AGBL1: variants seen among roughly 807,000 people sequenced by gnomAD.
The protein encoded by AGBL1 is AGBL carboxypeptidase 1.
Under a neutral mutation model 118.9 loss-of-function variants are expected in AGBL1, and 130 were observed. The ratio of observed to expected loss-of-function variants is 1.09; its 90% CI spans 0.95 to 1.26. AGBL1 has a LOEUF of 1.26. AGBL1 is among the 50% of genes most tolerant of loss of function. The pLI is 0.00. For synonymous variants in AGBL1, 555 were observed against 478.9 expected, an observed-to-expected ratio of 1.16 and a Z score of -2.08; for missense variants, 1,584 against 1,298.1, an observed-to-expected ratio of 1.22 and a Z score of -3.38.
intron 22 of AGBL1, among the ~76,000 whole-genome samples, chr15:86,732,008 AG>A (rs1461374411): frequency 2.0e-5 from 3 of 152,184 alleles, no homozygotes; most frequent in Non-Finnish European, 4.4e-5. Flanking sequence ...TATCACATGA[AG>A]ATTGAGAGGA....
intron 6 of AGBL1, among the ~76,000 whole-genome samples, chr15:86,233,986 T>C (rs1273065003): frequency 1.3e-5 from 2 of 152,158 alleles, no homozygotes; most frequent in Non-Finnish European, 1.5e-5. Flanking sequence ...TTTTTCTTGT[T>C]TGAGACAAAA....
intron 15 of AGBL1, 102 bp from the exon 16 acceptor site, chr15:86,279,537 G>A (rs567489417): frequency 4.4e-6 from 5 of 1,145,474 alleles, no homozygotes; most frequent in African/African-American, 1.5e-5. Flanking sequence ...TGCCAGGACA[G>A]TATATAACGC....
At chr15:86,983,312 C>T (rs1253676370) in intron 23 of AGBL1, among the ~76,000 whole-genome samples, 3 of 152,104 alleles carry the variant, frequency 2.0e-5, no homozygotes, top group Admixed American at 2.0e-4. Flanking sequence ...TGCATGGCTA[C>T]TATCATCTCC....
intron 22 of AGBL1, among the ~76,000 whole-genome samples, chr15:86,853,922 G>A (rs2079442823): frequency 6.6e-6 from 1 of 152,028 alleles, no homozygotes; most frequent in African/African-American, 2.4e-5. Context: ...AATAATTTCT[G>A]CCAGATGATA....
At chr15:86,287,753 AAGAG>A (rs755268174) in intron 16 of AGBL1, among the ~76,000 whole-genome samples, 1 of 151,738 alleles carries the variant, frequency 6.6e-6, no homozygotes, top group Non-Finnish European at 1.5e-5. Context: ...TTTAATAAGA[AAGAG>A]AGAGAGAGAG....
intron 16 of AGBL1, among the ~76,000 whole-genome samples, chr15:86,280,822 T>C (rs2079340302): frequency 6.6e-6 from 1 of 152,196 alleles, no homozygotes; most frequent in Non-Finnish European, 1.5e-5. Context: ...TGAAAGTGCA[T>C]CTGTCCTCTT....
chr15:87,028,953 A>C (rs2081761243), exon 25 of AGBL1: 1 of 1,251,674 alleles, frequency 8.0e-7, no homozygotes, highest in Non-Finnish European at 1.1e-6. Flanking sequence ...TCTTATGGAA[A>C]ATGTTGCTCC....
At chr15:86,718,536 T>G (rs1596401572) in intron 22 of AGBL1, among the ~76,000 whole-genome samples, 1 of 151,538 alleles carries the variant, frequency 6.6e-6, no homozygotes, top group East Asian at 2.0e-4. Context: ...AGTGTAATAA[T>G]AAGAAAAAAA....
chr15:86,809,906 A>G (rs1484403668), intron 22 of AGBL1, among the ~76,000 whole-genome samples: 1 of 152,200 alleles, frequency 6.6e-6, no homozygotes, highest in East Asian at 1.9e-4. Context: ...CGTTTGGCCA[A>G]TAAAAGCTCT....
chr15:86,288,917 G>C (rs993844378), intron 16 of AGBL1, among the ~76,000 whole-genome samples: 2 of 151,914 alleles, frequency 1.3e-5, no homozygotes, highest in Admixed American at 1.3e-4. Context: ...TGTGAATTGT[G>C]CCCTTTATCA....
chr15:86,208,946 G>A (rs1047404461), intron 5 of AGBL1, among the ~76,000 whole-genome samples: 1 of 152,072 alleles, frequency 6.6e-6, no homozygotes, highest in South Asian at 2.1e-4. Context: ...TTCTCTTGTG[G>A]GCATTTAGTG....
intron 15 of AGBL1, among the ~76,000 whole-genome samples, chr15:86,273,080 A>G (rs993531046): frequency 6.6e-6 from 1 of 152,256 alleles, no homozygotes; most frequent in Non-Finnish European, 1.5e-5. Flanking sequence ...CCCAGCTTAG[A>G]GCTGGCTTGG....
intron 1 of AGBL1, among the ~76,000 whole-genome samples, chr15:86,102,468 C>T (rs1435715371): frequency 6.6e-6 from 1 of 152,196 alleles, no homozygotes; most frequent in Non-Finnish European, 1.5e-5. Flanking sequence ...CTTGCAGAGT[C>T]AGTCTAGTGG....
intron 23 of AGBL1, among the ~76,000 whole-genome samples, chr15:86,972,943 A>G (rs1291795708): frequency 1.3e-5 from 2 of 151,924 alleles, no homozygotes; most frequent in South Asian, 2.1e-4. Context: ...TGCTTCTTTC[A>G]TTATAATCTT....
At chr15:86,937,135 G>A (rs970194542) in intron 23 of AGBL1, among the ~76,000 whole-genome samples, 3 of 152,158 alleles carry the variant, frequency 2.0e-5, no homozygotes, top group African/African-American at 7.2e-5. Flanking sequence ...ATGCTATTAT[G>A]AAAAAGTCTG....
intron 17 of AGBL1, among the ~76,000 whole-genome samples, chr15:86,393,133 G>A (rs371730397): frequency 2.0e-5 from 3 of 152,108 alleles, no homozygotes; most frequent in South Asian, 2.1e-4. Flanking sequence ...AGAATCCATC[G>A]TTGTCCCCAT....
At position 86,791,872 on chromosome 15, in the gene AGBL1, G is replaced by T. The variant is rs1476029241; in HGVS notation, c.3159-115215G>T. Among the ~76,000 whole-genome samples the T allele has an allele frequency of 2.0e-5, 3 of 152,010 alleles. No homozygotes were observed. In the South Asian group the frequency reaches 6.2e-4, roughly 32 times the overall value. ...ATGCCTTAGCCTCTGGAGTAGCTGG[G>T]ATTAAAGGTGTGTGCCACCACACCT... On this transcript the variant is annotated intron_variant, in intron 22 of 22. Transcript: ENST00000614907.
At chr15:86,139,459 G>C (rs1397606827) in intron 1 of AGBL1, among the ~76,000 whole-genome samples, 2 of 152,158 alleles carry the variant, frequency 1.3e-5, no homozygotes, top group Admixed American at 6.5e-5. Flanking sequence ...CATTTTAGTG[G>C]ATTTCTGTTT....
At chr15:86,526,810 A>G (rs1171494152) in intron 19 of AGBL1, among the ~76,000 whole-genome samples, 2 of 152,004 alleles carry the variant, frequency 1.3e-5, no homozygotes, top group African/African-American at 2.4e-5. Flanking sequence ...ACGGGTATGC[A>G]AAGGCATACA....
Sources: allele counts gnomAD v4.1 joint callset (sites outside exome capture counted in the v4.1 genomes callset), GRCh38; gene constraint gnomAD v4.1.1; transcripts MANE v1.5; gene names NCBI Gene and HGNC (gene_info 2026-07-23, HGNC 2026-07-21).